ABHD12: variants seen among roughly 807,000 people sequenced by gnomAD.
The protein encoded by ABHD12 is lysophosphatidylserine lipase ABHD12.
Under a neutral mutation model 58.3 loss-of-function variants are expected in ABHD12, and 43 were observed. The observed-to-expected ratio is 0.74, with a 90% CI of 0.58 to 0.95. The LOEUF is 0.95. Ranked by LOEUF, ABHD12 falls within the 40% of genes least tolerant of loss-of-function variation. ABHD12 has a pLI of 0.00. For missense variants in ABHD12, 539 were observed against 537.2 expected, an observed-to-expected ratio of 1.00 and a Z score of -0.03; for synonymous variants, 219 against 211.2, an observed-to-expected ratio of 1.04 and a Z score of -0.32.
At chr20:25,296,586 T>C, downstream of ABHD12, 5 of 1,547,374 alleles carry the variant, frequency 3.2e-6, no homozygotes, top group Non-Finnish European at 3.5e-6. Flanking sequence ...ACCTCCTTTT[T>C]TCCCCAAACA....
chr20:25,314,858 C>T, intron 6 of ABHD12, 67 bp downstream of exon 6: 1 of 1,571,438 alleles, frequency 6.4e-7, no homozygotes, highest in Non-Finnish European at 8.8e-7. Context: ...CGAGTGAGGC[C>T]TGCCCATGGG....
intron 1 of ABHD12, among the ~76,000 whole-genome samples, chr20:25,365,330 C>T (rs1200065032): frequency 6.6e-6 from 1 of 152,190 alleles, no homozygotes; most frequent in Admixed American, 6.5e-5. Context: ...GGTGCATGTT[C>T]TCATTCCTTT....
At chr20:25,371,672 A>G (rs994835626) in intron 1 of ABHD12, among the ~76,000 whole-genome samples, 2 of 152,154 alleles carry the variant, frequency 1.3e-5, no homozygotes, top group African/African-American at 4.8e-5. Flanking sequence ...TCATTATACA[A>G]AGTTAGCTTC....
In ABHD12 at chr20:25,350,171, C is replaced by G. The variant is rs145869455; in HGVS notation, c.192-10820G>C. On this transcript the variant is annotated intron_variant, in intron 1 of 12. Coordinates refer to ENST00000339157, the MANE Select transcript of ABHD12 (RefSeq NM_001042472.3). The stretch of plus-strand genomic sequence containing the variant: ...GTAATCAAACCAAAGCAAAACATAG[C>G]AGTAAAATACTAGACAGAGATAGGA... Among the ~76,000 whole-genome samples, 4 of 152,268 alleles carry G rather than the reference C, an allele frequency of 2.6e-5. No homozygotes were observed. In the East Asian group the frequency reaches 7.7e-4, roughly 29 times the overall value.
At chr20:25,377,795 T>C (rs992627861) in intron 1 of ABHD12, among the ~76,000 whole-genome samples, 1 of 152,192 alleles carries the variant, frequency 6.6e-6, no homozygotes, top group Non-Finnish European at 1.5e-5. Flanking sequence ...CCTTCCAGGT[T>C]CAAGCGATTC....
At chr20:25,323,191 TTTCCTTTA>T in intron 3 of ABHD12, 126 bp downstream of exon 3, 2 of 727,782 alleles carry the variant, frequency 2.7e-6, no homozygotes, top group South Asian at 2.9e-5. Flanking sequence ...TACTGAGATC[TTTCCTTTA>T]GGAAAGGAAG....
At chr20:25,389,658 A>T (rs2090142418) in intron 1 of ABHD12, among the ~76,000 whole-genome samples, 1 of 152,206 alleles carries the variant, frequency 6.6e-6, no homozygotes, top group Non-Finnish European at 1.5e-5. Flanking sequence ...GGCTTTATAT[A>T]AACGCATTCA....
At chr20:25,299,041 G>A (rs754500462), downstream of ABHD12, among the ~76,000 whole-genome samples, 13 of 152,106 alleles carry the variant, frequency 8.5e-5, no homozygotes, top group Non-Finnish European at 1.5e-4. Context: ...ACAGGTGATG[G>A]TGGAGCAGCT....
chr20:25,383,189 C>T (rs2090043194), intron 1 of ABHD12, among the ~76,000 whole-genome samples: 1 of 152,206 alleles, frequency 6.6e-6, no homozygotes, highest in African/African-American at 2.4e-5. Context: ...CTGAAGAAGA[C>T]AGATGTTAAC....
chr20:25,326,088 G>A (rs773385895), intron 2 of ABHD12, among the ~76,000 whole-genome samples: 5 of 111,614 alleles, frequency 4.5e-5, no homozygotes, highest in Admixed American at 1.1e-4. Context: ...AAAAAGAAAA[G>A]AAAAAAGAAA....
exon 13 of ABHD12, chr20:25,295,001 TCTGGGCTGGAAC>T: frequency 2.5e-6 from 4 of 1,614,222 alleles, no homozygotes; most frequent in Non-Finnish European, 3.4e-6. Flanking sequence ...CATGCTGGGA[TCTGGGCTGGAAC>T]CTGGGCCCTG....
chr20:25,318,519 C>A (rs1190147791), intron 4 of ABHD12, among the ~76,000 whole-genome samples: 3 of 152,086 alleles, frequency 2.0e-5, no homozygotes, highest in Non-Finnish European at 2.9e-5. Context: ...ACCAGCGAAA[C>A]CCCAGTGGGA....
At chr20:25,298,613 GCTA>G (rs1292421089), downstream of ABHD12, among the ~76,000 whole-genome samples, 38 of 152,304 alleles carry the variant, frequency 2.5e-4, no homozygotes, top group Middle Eastern at 3.4e-3. Flanking sequence ...TACTAAACAT[GCTA>G]TCTGGGGATA....
intron 1 of ABHD12, among the ~76,000 whole-genome samples, chr20:25,365,723 G>C (rs985844703): frequency 6.6e-6 from 1 of 152,162 alleles, no homozygotes; most frequent in African/African-American, 2.4e-5. Context: ...GGTGAGAAAT[G>C]GCATCTTGGT....
intron 1 of ABHD12, among the ~76,000 whole-genome samples, chr20:25,347,982 T>G (rs960637047): frequency 3.3e-5 from 5 of 149,754 alleles, no homozygotes; most frequent in African/African-American, 1.2e-4. Context: ...GAGGCCTAGG[T>G]GGGCAGATCA....
intron 6 of ABHD12, among the ~76,000 whole-genome samples, chr20:25,310,008 CCT>C (rs775958964): frequency 4.6e-5 from 7 of 152,174 alleles, no homozygotes; most frequent in Non-Finnish European, 8.8e-5. Context: ...CTCACTTCTC[CCT>C]CTCTCTTTCT....
rs569634056 is a variant in ABHD12, at chr20:25,320,745, C to T, written c.423-427G>A. On this transcript the variant is annotated intron_variant, in intron 3 of 12. Transcript: ENST00000339157. ...AACTCACAATGGATTTTAAACAGTA[C>T]ATGCTGTCACATTTGCTAATTCAGC... 1.1e-4 allele frequency among the ~76,000 whole-genome samples: 16 copies of T among 152,340 alleles called. No individual in the cohort carries two copies. The East Asian group carries it at 2.7e-3, about 26-fold the overall frequency.
At chr20:25,389,122 G>A (rs1470749557) in intron 1 of ABHD12, among the ~76,000 whole-genome samples, 1 of 152,004 alleles carries the variant, frequency 6.6e-6, no homozygotes, top group Admixed American at 6.6e-5. Context: ...TTTTTTCGAA[G>A]GAAGAATTTT....
At chr20:25,365,741 T>C (rs2089810995) in intron 1 of ABHD12, among the ~76,000 whole-genome samples, 1 of 152,238 alleles carries the variant, frequency 6.6e-6, no homozygotes, top group East Asian at 1.9e-4. Flanking sequence ...GGTGTAGTTT[T>C]GACTTTCATT....
Sources: gnomAD v4.1 joint callset for allele counts (sites outside exome capture counted in the v4.1 genomes callset) on GRCh38, gnomAD v4.1.1 for gene constraint, MANE v1.5 for transcripts, NCBI Gene and HGNC (gene_info 2026-07-23, HGNC 2026-07-21) for gene names.